The following SH3RF1 variants were observed in gnomAD, a reference collection of about 807,000 sequenced individuals.
The protein encoded by SH3RF1 is E3 ubiquitin-protein ligase SH3RF1.
In SH3RF1, 32 loss-of-function variants were observed where a neutral mutation model predicts 74.0. The observed-to-expected ratio is 0.43, with a 90% confidence interval of 0.33 to 0.58. The LOEUF (loss-of-function observed/expected upper bound fraction) is 0.58, where lower values mean the gene tolerates loss of function less well. Ranked by LOEUF, SH3RF1 falls within the 20% of genes least tolerant of loss-of-function variation. The pLI, the probability that SH3RF1 is intolerant of heterozygous loss-of-function variation, is 0.05. For synonymous variants in SH3RF1, 396 were observed against 439.6 expected (o/e 0.90, Z 1.24); for missense variants, 954 against 1,130.9 (o/e 0.84, Z 2.24).
At chr4:169,177,499 T>C (rs1734440591) in intron 2 of SH3RF1, among the ~76,000 whole-genome samples, 1 of 152,202 alleles carries the variant, frequency 6.6e-6, no homozygotes, top group Non-Finnish European at 1.5e-5. Flanking sequence ...CTGACTTTAA[T>C]GAGCACACAA....
intron 2 of SH3RF1, among the ~76,000 whole-genome samples, chr4:169,251,723 AAT>A (rs1270944863): frequency 2.0e-5 from 3 of 152,188 alleles, no homozygotes; most frequent in Non-Finnish European, 2.9e-5. Flanking sequence ...ACCTATAAGG[AAT>A]GCATCAGTGA....
At chr4:169,251,138 G>C (rs1731097779) in intron 2 of SH3RF1, among the ~76,000 whole-genome samples, 1 of 152,182 alleles carries the variant, frequency 6.6e-6, no homozygotes, top group South Asian at 2.1e-4. Context: ...TGAGGTTCAA[G>C]GGAGCTACTC....
intron 5 of SH3RF1, among the ~76,000 whole-genome samples, chr4:169,130,606 C>T (rs956921683): frequency 2.0e-5 from 3 of 152,142 alleles, no homozygotes; most frequent in African/African-American, 7.2e-5. Flanking sequence ...AGGTATTTTG[C>T]TATTTTCAGG....
chr4:169,135,760 AT>A (rs1241010235), intron 5 of SH3RF1, among the ~76,000 whole-genome samples: 1 of 152,172 alleles, frequency 6.6e-6, no homozygotes, highest in Non-Finnish European at 1.5e-5. Flanking sequence ...ACGCGTGGCT[AT>A]TTTTTACATA....
intron 2 of SH3RF1, among the ~76,000 whole-genome samples, chr4:169,186,990 G>A (rs543291029): frequency 2.7e-5 from 4 of 149,496 alleles, no homozygotes; most frequent in African/African-American, 7.3e-5. Context: ...CTCCAGCCTG[G>A]GGACAGAGCG....
At chr4:169,247,939 A>T (rs1363921835) in intron 2 of SH3RF1, among the ~76,000 whole-genome samples, 1 of 152,244 alleles carries the variant, frequency 6.6e-6, no homozygotes, top group Non-Finnish European at 1.5e-5. Flanking sequence ...AGCCACAATG[A>T]GATACGCCAC....
At chr4:169,236,839 A>G (rs950026034) in intron 2 of SH3RF1, among the ~76,000 whole-genome samples, 4 of 152,204 alleles carry the variant, frequency 2.6e-5, no homozygotes, top group African/African-American at 9.7e-5. Context: ...AAGGCTAACA[A>G]ATAATTCACT....
chr4:169,101,561 C>T (rs779088725), intron 11 of SH3RF1, among the ~76,000 whole-genome samples: 16 of 150,936 alleles, frequency 1.1e-4, no homozygotes, highest in Admixed American at 5.3e-4. Context: ...CATGAATGTA[C>T]TCAATGCCAC....
At chr4:169,132,123 C>A (rs1201564277) in intron 5 of SH3RF1, among the ~76,000 whole-genome samples, 2 of 152,174 alleles carry the variant, frequency 1.3e-5, no homozygotes, top group Non-Finnish European at 2.9e-5. Flanking sequence ...TTGTCCAATT[C>A]TTTGTTCAAA....
intron 2 of SH3RF1, among the ~76,000 whole-genome samples, chr4:169,183,341 C>T (rs1275957721): frequency 1.3e-5 from 2 of 152,172 alleles, no homozygotes; most frequent in African/African-American, 2.4e-5. Flanking sequence ...AGTTCAATGG[C>T]GTGATCCTGG....
chr4:169,240,645 C>A (rs28546847), intron 2 of SH3RF1, among the ~76,000 whole-genome samples: 6,776 of 152,176 alleles, frequency 0.045, 318 homozygotes, highest in Admixed American at 0.15. Context: ...AATATGTATA[C>A]ATTGTGAAAT....
intron 2 of SH3RF1, among the ~76,000 whole-genome samples, chr4:169,238,685 C>G (rs112099272): frequency 2.0e-5 from 3 of 152,304 alleles, no homozygotes; most frequent in African/African-American, 7.2e-5. Flanking sequence ...GTTTGTTCTT[C>G]CACATGGTCT....
At chr4:169,143,582 C>T (rs113183020) in intron 4 of SH3RF1, among the ~76,000 whole-genome samples, 334 of 152,252 alleles carry the variant, frequency 2.2e-3, no homozygotes, top group African/African-American at 7.4e-3. Context: ...TCCCCTGACT[C>T]CCTATGGCCC....
intron 2 of SH3RF1, among the ~76,000 whole-genome samples, chr4:169,182,844 C>G (rs1734534401): frequency 6.6e-6 from 1 of 151,892 alleles, no homozygotes; most frequent in Non-Finnish European, 1.5e-5. Context: ...TAAAGAACTG[C>G]TTTCTTCCAA....
chr4:169,125,476 G>A (rs907188141), intron 6 of SH3RF1, among the ~76,000 whole-genome samples: 6 of 152,192 alleles, frequency 3.9e-5, no homozygotes, highest in East Asian at 1.9e-4. Flanking sequence ...TAAAGAGAGG[G>A]GAAGTAGTCC....
chr4:169,096,806 T>C, intron 11 of SH3RF1, 119 bp from the exon 12 acceptor site: 1 of 982,028 alleles, frequency 1.0e-6, no homozygotes, highest in Non-Finnish European at 1.5e-6. Context: ...TCATTTATGA[T>C]TGTAAAACAA....
chr4:169,216,586 G>A (rs536569076), intron 2 of SH3RF1, among the ~76,000 whole-genome samples: 1 of 152,234 alleles, frequency 6.6e-6, no homozygotes, highest in East Asian at 1.9e-4. Flanking sequence ...CACCTCTATA[G>A]TCCGAGAACT....
chr4:169,182,296 C>G (rs1734523909), intron 2 of SH3RF1, among the ~76,000 whole-genome samples: 1 of 152,132 alleles, frequency 6.6e-6, no homozygotes, highest in African/African-American at 2.4e-5. Flanking sequence ...ATATGCGAAT[C>G]AGGTAAAATA....
intron 4 of SH3RF1, among the ~76,000 whole-genome samples, chr4:169,146,303 T>C (rs1180497441): frequency 6.7e-6 from 1 of 150,128 alleles, no homozygotes; most frequent in Non-Finnish European, 1.5e-5. Flanking sequence ...TATCTCAGCT[T>C]GCTGCAACCT....
Sources: allele counts gnomAD v4.1 joint callset (sites outside exome capture counted in the v4.1 genomes callset), GRCh38; gene constraint gnomAD v4.1.1; transcripts MANE v1.5; gene names NCBI Gene and HGNC (gene_info 2026-07-23, HGNC 2026-07-21).